The following SHISA4 variants were observed in gnomAD, a reference collection of about 807,000 sequenced individuals.
SHISA4 encodes shisa family member 4.
SHISA4 carries 16 observed loss-of-function variants against 24.2 expected under a neutral mutation model. That is an observed-to-expected ratio of 0.66 (90% CI 0.45 to 1.00). The LOEUF (loss-of-function observed/expected upper bound fraction) is 1.00, where lower values mean the gene tolerates loss of function less well. Ranked by LOEUF, SHISA4 falls within the 50% of genes least tolerant of loss-of-function variation. The pLI is 0.00. For synonymous variants in SHISA4, 106 were observed against 105.4 expected (o/e 1.01, Z -0.04); for missense variants, 238 against 258.9 (o/e 0.92, Z 0.55).
chr1:201,888,903 C>CG lies in SHISA4; in HGVS notation c.-89dup, dbSNP rs1342335283. ...CGGAAGAGGAGCCCGAGCCTGGCCG[C>CG]GGGCTGGGCCCCGCCGCAGCTCCAG... On this transcript the variant is annotated 5_prime_UTR_variant, in exon 1 of 5. Transcript: ENST00000362011. 1 of 871,732 alleles carries CG rather than the reference C, an allele frequency of 1.1e-6. No homozygotes were observed. Among genetic ancestry groups the CG allele is most frequent in the Non-Finnish European group, 1.6e-6 (1 of 644,962 alleles). The allele number at this position is 871,732 out of a possible 1,614,324, so 54.0% of individuals were successfully genotyped here. A position where few individuals can be genotyped will look rare whatever the true frequency, so the allele number is the denominator to read the frequency against.
rs1681049522 is a variant in SHISA4 at position 201,889,424 on chromosome 1, AC to A, written c.74-16del. 2 of 1,609,212 alleles carry A rather than the reference AC, an allele frequency of 1.2e-6. No homozygotes were observed. Among genetic ancestry groups the A allele is most frequent in the Non-Finnish European group, 1.7e-6 (2 of 1,179,644 alleles). On this transcript the variant is annotated intron_variant, in intron 1 of 4. Coordinates refer to ENST00000362011, the MANE Select transcript of SHISA4 (RefSeq NM_198149.3). ...TGAACTGGCCTGGTGGCCACTGGGC[AC>A]CCCCAATCCCTGCCCGCAGTGCTGG...
rs1304005607 is a variant in SHISA4 at position 201,891,845 on chromosome 1, G to A, written c.593G>A (p.Ter198=). The change falls in exon 5 of 5, where the codon TGA becomes TAA. Residue 198 remains the stop codon, a stop_retained_variant. Transcript: ENST00000362011. ...CCACAGCCCTCTTACCCGGGAGCCT[G>A]AGGAACCAGCCATGTCTCTGCTGCC... ...MPPQPSYPGA[*] The A allele has an allele frequency of 6.2e-7, 1 of 1,613,890 alleles. No homozygotes were observed. Among genetic ancestry groups the A allele is most frequent in the Admixed American group, 1.7e-5 (1 of 59,970 alleles).
Position 201,891,890 on chromosome 1 carries a change from T to C in SHISA4, c.*44T>C, listed in dbSNP as rs1162485711. 2 of 1,607,006 alleles carry C rather than the reference T, an allele frequency of 1.2e-6. No individual in the cohort carries two copies. Among genetic ancestry groups the C allele is most frequent in the East Asian group, 2.2e-5 (1 of 44,816 alleles). On this transcript the variant is annotated 3_prime_UTR_variant, in exon 5 of 5. Coordinates refer to ENST00000362011, the MANE Select transcript of SHISA4 (RefSeq NM_198149.3). ...GCTGCCCCTTCAGTGATGCCAACCT[T>C]GGGAGATGCCCTCATCCTGTACCTG...
intron 4 of SHISA4, 62 bp from the exon 5 acceptor site, chr1:201,891,738 G>A (rs1681103714): frequency 6.3e-6 from 10 of 1,594,326 alleles, no homozygotes; most frequent in African/African-American, 1.3e-5. Context: ...CCGGGGGCAG[G>A]GGTGTTACTT....
chr1:201,889,347 G>A (rs768014462), intron 1 of SHISA4, 98 bp from the exon 2 acceptor site: 537 of 1,519,792 alleles, frequency 3.5e-4, no homozygotes, highest in Non-Finnish European at 4.6e-4. Context: ...CAGTGTTCGG[G>A]AGCCGTCAGG....
chr1:201,891,699 C>T, intron 4 of SHISA4, 101 bp from the exon 5 acceptor site: 1 of 1,547,798 alleles, frequency 6.5e-7, no homozygotes, highest in South Asian at 1.1e-5. Context: ...AACCTCCAGG[C>T]CCACTCTTCC....
chr1:201,890,424 A>G, intron 2 of SHISA4, 30 bp from the exon 3 acceptor site: 2 of 1,612,278 alleles, frequency 1.2e-6, no homozygotes, highest in Non-Finnish European at 1.7e-6. Flanking sequence ...TGAGTGTTGG[A>G]AGGTGAGAGG....
At position 201,891,419 on chromosome 1, in the gene SHISA4, C is replaced by G; in HGVS notation, c.398C>G (p.Thr133Arg). The G allele has an allele frequency of 6.2e-7, 1 of 1,613,940 alleles. No individual in the cohort carries two copies. The highest frequency in any genetic ancestry group is 1.1e-5 in the South Asian group (1 of 91,080). The change falls in exon 4 of 5, where the codon ACA becomes AGA. Residue 133 changes from threonine to arginine, a missense_variant. Physicochemically the swap from Thr to Arg is moderately conservative, Grantham distance 71 (BLOSUM62 -1). Transcript: ENST00000362011. ...SPFEGQEIPM[T>R]GIPVQPVYPY... ...CATCTAGGCCAGGAGATTCCAATGA[C>G]AGGCATCCCAGTGCAGCCAGTATAC...
At position 201,891,459 on chromosome 1, in the gene SHISA4, C is replaced by A; in HGVS notation, c.438C>A (p.Asp146Glu). The A allele has an allele frequency of 6.2e-7, 1 of 1,613,920 alleles. No homozygotes were observed. The highest frequency in any genetic ancestry group is 8.5e-7 in the Non-Finnish European group (1 of 1,179,936). The change falls in exon 4 of 5, where the codon GAC (aspartate) becomes GAA (glutamate). Residue 146 changes from aspartate to glutamate, a missense_variant. Physicochemically the swap from Asp to Glu is conservative, Grantham distance 45. Coordinates refer to ENST00000362011, the MANE Select transcript of SHISA4 (RefSeq NM_198149.3). ...PVQPVYPYPQDPKAGPAPPQP... is the reference protein window; with the variant it reads ...PVQPVYPYPQEPKAGPAPPQP... ...AGCCAGTATACCCATACCCCCAGGA[C>A]CCCAAAGCTGGCCCTGCACCCCCAC...
At position 201,891,785 on chromosome 1, in the gene SHISA4, C is replaced by T; in HGVS notation, c.548-15C>T. ...ATGCCACCACTCACCCTCATCCTGT[C>T]TCTTTGGCTTTCAGCTCCTCCTCCC... On this transcript the variant is annotated splice_polypyrimidine_tract_variant and intron_variant, in intron 4 of 4. Coordinates refer to ENST00000362011, the MANE Select transcript of SHISA4 (RefSeq NM_198149.3). 9 of 1,614,084 alleles carry T rather than the reference C, an allele frequency of 5.6e-6. No homozygotes were observed. Among genetic ancestry groups the T allele is most frequent in the Non-Finnish European group, 7.6e-6 (9 of 1,179,976 alleles).
In SHISA4 at chr1:201,891,473, C is replaced by A. The variant is rs146890618; in HGVS notation, c.452C>A (p.Pro151His). The change falls in exon 4 of 5, where the codon CCT becomes CAT. Residue 151 changes from proline (P) to histidine (H), a missense_variant. Physicochemically the swap from Pro to His is moderately conservative, Grantham distance 77. Coordinates refer to ENST00000362011, the MANE Select transcript of SHISA4 (RefSeq NM_198149.3). ...TACCCCCAGGACCCCAAAGCTGGCC[C>A]TGCACCCCCACAGCCTGGCTTCATA... ...YPYPQDPKAGPAPPQPGFIYP... is the reference protein window; with the variant it reads ...YPYPQDPKAGHAPPQPGFIYP... 3 of 1,613,766 alleles carry A rather than the reference C, an allele frequency of 1.9e-6. No individual in the cohort carries two copies. The African/African-American group carries it at 4.0e-5, about 22-fold the overall frequency.
chr1:201,891,674 C>G (rs1681102796), intron 4 of SHISA4, 106 bp downstream of exon 4: 1 of 1,532,086 alleles, frequency 6.5e-7, no homozygotes, highest in Non-Finnish European at 9.0e-7. Context: ...CAGACTTCCT[C>G]CACCTCTAGC....
chr1:201,891,675 C>A, intron 4 of SHISA4, 107 bp downstream of exon 4: 1 of 1,534,010 alleles, frequency 6.5e-7, no homozygotes, highest in Non-Finnish European at 9.0e-7. Flanking sequence ...AGACTTCCTC[C>A]ACCTCTAGCC....
At position 201,891,808 on chromosome 1, in the gene SHISA4, C is replaced by G. The variant is rs753737766; in HGVS notation, c.556C>G (p.Pro186Ala). 4 of 1,614,120 alleles carry G rather than the reference C, an allele frequency of 2.5e-6. No homozygotes were observed. In the East Asian group the frequency reaches 8.9e-5, roughly 36 times the overall value. Residue 186 changes from proline (P) to alanine (A), a missense_variant, in exon 5 of 5, where the codon CCC becomes GCC. By Grantham distance (27) the Pro-to-Ala change is conservative. Coordinates refer to ENST00000362011, the MANE Select transcript of SHISA4 (RefSeq NM_198149.3). ...GTCTCTTTGGCTTTCAGCTCCTCCT[C>G]CCTATATGCCACCACAGCCCTCTTA... ...PPVYNPAAPP[P>A]YMPPQPSYPG... is the part of the protein sequence containing the mutation.
Position 201,890,441 on chromosome 1 carries a change from T to G in SHISA4, c.246-13T>G. On this transcript the variant is annotated splice_polypyrimidine_tract_variant and intron_variant, in intron 2 of 4. Coordinates refer to ENST00000362011, the MANE Select transcript of SHISA4 (RefSeq NM_198149.3). ...AGTGTTGGAAGGTGAGAGGACCTGTTCTTTGTCTAAAGCCCCAAGACCATA... is the reference window on the plus strand; with the variant it reads ...AGTGTTGGAAGGTGAGAGGACCTGTGCTTTGTCTAAAGCCCCAAGACCATA... The G allele has an allele frequency of 6.2e-7, 1 of 1,613,938 alleles. No individual in the cohort carries two copies. The highest frequency in any genetic ancestry group is 8.5e-7 in the Non-Finnish European group (1 of 1,179,892).
Position 201,892,031 on chromosome 1 carries a change from C to T in SHISA4, c.*185C>T. The T allele has an allele frequency of 1.5e-6, 1 of 659,322 alleles. No individual in the cohort carries two copies. The highest frequency in any genetic ancestry group is 2.6e-6 in the Non-Finnish European group (1 of 379,704). 40.8% of individuals were successfully genotyped at this position (659,322 alleles called of 1,614,324 possible). On this transcript the variant is annotated 3_prime_UTR_variant, in exon 5 of 5. Coordinates refer to ENST00000362011, the MANE Select transcript of SHISA4 (RefSeq NM_198149.3). ...AAGTGGAACAGGAGCTGAACTAGAACTATGAGGGGTTGGGGGGAGGGCTTG... is the reference window on the plus strand; with the variant it reads ...AAGTGGAACAGGAGCTGAACTAGAATTATGAGGGGTTGGGGGGAGGGCTTG...
intron 3 of SHISA4, 61 bp downstream of exon 3, chr1:201,890,648 A>G: frequency 6.3e-7 from 1 of 1,590,356 alleles, no homozygotes; most frequent in South Asian, 1.1e-5. Flanking sequence ...AATAATGGGC[A>G]GCAGAGAGTT....
At position 201,889,042 on chromosome 1, in the gene SHISA4, T is replaced by C; in HGVS notation, c.48T>C (p.Ala16=). The change falls in exon 1 of 5, where the codon GCT becomes GCC. Residue 16 remains alanine, a synonymous_variant. Transcript: ENST00000362011. ...GGGCCGCGCCGCTCACCGCAATCGC[T>C]CTGTTGGTGCTGGGGGCTCCCCTGG... ...LRRAAPLTAI[A]LLVLGAPLVL... 2 of 1,377,292 alleles carry C rather than the reference T, an allele frequency of 1.5e-6. No individual in the cohort carries two copies. The highest frequency in any genetic ancestry group is 1.9e-6 in the Non-Finnish European group (2 of 1,064,142). The allele number at this position is 1,377,292 out of a possible 1,614,324, so 85.3% of individuals were successfully genotyped here. A position where few individuals can be genotyped will look rare whatever the true frequency, so the allele number is the denominator to read the frequency against.
At position 201,890,447 on chromosome 1, in the gene SHISA4, T is replaced by C. The variant is rs1482389883; in HGVS notation, c.246-7T>C. ...GGAAGGTGAGAGGACCTGTTCTTTG[T>C]CTAAAGCCCCAAGACCATAGCAGGC... On this transcript the variant is annotated splice_region_variant and splice_polypyrimidine_tract_variant and intron_variant, in intron 2 of 4. Coordinates refer to ENST00000362011, the MANE Select transcript of SHISA4 (RefSeq NM_198149.3). 7 of 1,614,038 alleles carry C rather than the reference T, an allele frequency of 4.3e-6. No individual in the cohort carries two copies. The highest frequency in any genetic ancestry group is 4.2e-6 in the Non-Finnish European group (5 of 1,179,938).
Sources: allele counts gnomAD v4.1 joint callset, GRCh38; gene constraint gnomAD v4.1.1; transcripts MANE v1.5; gene names NCBI Gene and HGNC (gene_info 2026-07-23, HGNC 2026-07-21).